COL21A1: variants seen among roughly 807,000 people sequenced by gnomAD.
The protein encoded by COL21A1 is collagen type XXI alpha 1 chain, also known as collagen alpha-1(XXI) chain.
COL21A1 carries 149 observed loss-of-function variants against 137.9 expected under a neutral mutation model. The ratio of observed to expected loss-of-function variants is 1.08; its 90% CI spans 0.95 to 1.24. The LOEUF (loss-of-function observed/expected upper bound fraction) is 1.24, where lower values mean the gene tolerates loss of function less well. COL21A1 is among the 50% of genes most tolerant of loss of function. The pLI, the probability that COL21A1 is intolerant of heterozygous loss-of-function variation, is 0.00. For synonymous variants in COL21A1, 456 were observed against 391.5 expected (o/e 1.16, Z -1.95); for missense variants, 1,167 against 1,158.4 (o/e 1.01, Z -0.11).
chr6:56,097,991 ATGT>A (rs1379267240), intron 17 of COL21A1, among the ~76,000 whole-genome samples: 2 of 24,384 alleles, frequency 8.2e-5, no homozygotes, highest in African/African-American at 2.3e-4. Context: ...ATAAATATAT[ATGT>A]AAATATATAA....
chr6:56,184,719 G>T (rs1049633024), intron 1 of COL21A1, among the ~76,000 whole-genome samples: 10 of 152,164 alleles, frequency 6.6e-5, no homozygotes, highest in Non-Finnish European at 1.3e-4. Context: ...TACAGATTAT[G>T]TTCCTTGACC....
intron 1 of COL21A1, among the ~76,000 whole-genome samples, chr6:56,369,968 A>G (rs1354681662): frequency 3.3e-5 from 5 of 152,226 alleles, no homozygotes; most frequent in East Asian, 3.8e-4. Context: ...GTATCATACA[A>G]AACAGTTTAT....
intron 1 of COL21A1, among the ~76,000 whole-genome samples, chr6:56,384,696 G>C (rs1192679969): frequency 6.6e-6 from 1 of 151,860 alleles, no homozygotes; most frequent in Non-Finnish European, 1.5e-5. Flanking sequence ...TTTTTTTTCT[G>C]AATATTTTTA....
intron 1 of COL21A1, among the ~76,000 whole-genome samples, chr6:56,203,800 G>A (rs1383529628): frequency 6.6e-6 from 1 of 152,198 alleles, no homozygotes; most frequent in Non-Finnish European, 1.5e-5. Flanking sequence ...TGGACAGTGG[G>A]TGCAGCCCAC....
intron 1 of COL21A1, among the ~76,000 whole-genome samples, chr6:56,382,586 G>A (rs566831226): frequency 2.0e-5 from 3 of 152,218 alleles, no homozygotes; most frequent in South Asian, 4.2e-4. Context: ...ATAAGGGAGA[G>A]GCAGTAATCT....
chr6:56,261,649 G>A (rs1763280288), intron 1 of COL21A1, among the ~76,000 whole-genome samples: 1 of 152,144 alleles, frequency 6.6e-6, no homozygotes, highest in African/African-American at 2.4e-5. Flanking sequence ...TGTATTTAAG[G>A]TGCCCAGTCT....
At chr6:56,099,828 T>C (rs1044495483) in intron 17 of COL21A1, among the ~76,000 whole-genome samples, 2 of 152,138 alleles carry the variant, frequency 1.3e-5, no homozygotes, top group African/African-American at 4.8e-5. Flanking sequence ...TGCTACCCTA[T>C]TGAACCCACT....
chr6:56,204,106 A>G (rs369924674), intron 1 of COL21A1, among the ~76,000 whole-genome samples: 10 of 152,012 alleles, frequency 6.6e-5, no homozygotes, highest in African/African-American at 2.4e-4. Flanking sequence ...TTAATACCCC[A>G]GTGTCACCTG....
chr6:56,352,679 G>A (rs1010493129), intron 1 of COL21A1, among the ~76,000 whole-genome samples: 1 of 152,158 alleles, frequency 6.6e-6, no homozygotes, highest in Non-Finnish European at 1.5e-5. Flanking sequence ...ATTCAACTCT[G>A]ACCTGCCTCC....
intron 19 of COL21A1, among the ~76,000 whole-genome samples, chr6:56,074,749 G>GTT (rs1767061616): frequency 6.6e-6 from 1 of 151,186 alleles, no homozygotes; most frequent in South Asian, 2.1e-4. Flanking sequence ...CAAAATGGCC[G>GTT]TATCTTTAAT....
intron 1 of COL21A1, among the ~76,000 whole-genome samples, chr6:56,369,954 A>G (rs1416389206): frequency 6.6e-6 from 1 of 152,232 alleles, no homozygotes; most frequent in East Asian, 1.9e-4. Context: ...TTTTAATTGG[A>G]AAAGTATCAT....
intron 1 of COL21A1, among the ~76,000 whole-genome samples, chr6:56,211,143 T>A (rs1206805583): frequency 7.1e-6 from 1 of 140,306 alleles, no homozygotes; most frequent in Non-Finnish European, 1.5e-5. Flanking sequence ...GCAAATTCTA[T>A]ATTTGTGTAA....
chr6:56,168,060 T>G, intron 6 of COL21A1, 64 bp downstream of exon 6: 2 of 1,127,680 alleles, frequency 1.8e-6, no homozygotes, highest in Non-Finnish European at 2.4e-6. Flanking sequence ...TGGTGAAAAC[T>G]ATTACAAAGG....
chr6:56,253,988 A>G (rs942468114), intron 1 of COL21A1, among the ~76,000 whole-genome samples: 5 of 152,230 alleles, frequency 3.3e-5, no homozygotes, highest in Non-Finnish European at 7.3e-5. Context: ...TCACAAATAT[A>G]CACTGAAGTG....
At chr6:56,248,757 G>T (rs1671443101), upstream of COL21A1, among the ~76,000 whole-genome samples, 1 of 152,174 alleles carries the variant, frequency 6.6e-6, no homozygotes, top group Non-Finnish European at 1.5e-5. Flanking sequence ...ATCTTCAAAT[G>T]ATCATTTCCT....
At chr6:56,133,946 G>A (rs751681981) in intron 12 of COL21A1, among the ~76,000 whole-genome samples, 3 of 152,216 alleles carry the variant, frequency 2.0e-5, no homozygotes, top group African/African-American at 4.8e-5. Context: ...TTGCTGCAGG[G>A]GCAGGGTCCT....
intron 1 of COL21A1, among the ~76,000 whole-genome samples, chr6:56,213,325 C>T (rs1474007624): frequency 6.6e-6 from 1 of 151,842 alleles, no homozygotes; most frequent in East Asian, 1.9e-4. Flanking sequence ...CCATGATTAC[C>T]CTCATCTACA....
chr6:56,141,929 C>G lies in COL21A1; in HGVS notation c.1488+1G>C. 14 of 1,553,098 alleles carry G rather than the reference C, an allele frequency of 9.0e-6. No homozygotes were observed. The highest frequency in any genetic ancestry group is 1.2e-5 in the Non-Finnish European group (14 of 1,146,658). On this transcript the variant is annotated splice_donor_variant, in intron 11 of 29. Coordinates refer to ENST00000244728, the MANE Select transcript of COL21A1 (RefSeq NM_030820.4). LOFTEE classifies it high-confidence loss of function. ...AAAATGTATATAAGTGGATCACATA[C>G]TTGTATTCCTGGAGATCCTGGAACA...
Position 56,258,476 on chromosome 6 carries a change from G to A in COL21A1, c.-38-75820C>T. On this transcript the variant is annotated intron_variant, in intron 1 of 28. Transcript: ENST00000370819. ...TCCTTCTAACCTTAGGTGCTCACCA[G>A]ACAAAACCCACACACATGCACTCTA... Among the ~76,000 whole-genome samples, 2 of 152,118 alleles carry A rather than the reference G, an allele frequency of 1.3e-5. 1 individual carries two copies.
Sources: gnomAD v4.1 joint callset for allele counts (sites outside exome capture counted in the v4.1 genomes callset) on GRCh38, gnomAD v4.1.1 for gene constraint, MANE v1.5 for transcripts, NCBI Gene and HGNC (gene_info 2026-07-23, HGNC 2026-07-21) for gene names.